Variants in GOT2 observed in about 807,000 individuals in gnomAD.
GOT2 encodes glutamic-oxaloacetic transaminase 2.
A neutral mutation model predicts 50.0 loss-of-function variants in GOT2; 17 were observed. The ratio of observed to expected loss-of-function variants is 0.34; its 90% CI spans 0.23 to 0.51. The LOEUF is 0.51. GOT2 is among the 20% of genes least tolerant of loss of function. The pLI is 0.97. For synonymous variants in GOT2, 172 were observed against 204.9 expected (o/e 0.84, Z 1.37); for missense variants, 430 against 559.6 (o/e 0.77, Z 2.34).
In GOT2 at chr16:58,707,173, C is replaced by A. The variant is rs2044610297; in HGVS notation, c.*998G>T. The A allele has an allele frequency of 6.6e-6, 1 of 152,210 alleles. No individual in the cohort carries two copies. Among genetic ancestry groups the A allele is most frequent in the African/African-American group, 2.4e-5 (1 of 41,434 alleles). 9.4% of individuals were successfully genotyped at this position (152,210 alleles called of 1,614,324 possible). On this transcript the variant is annotated 3_prime_UTR_variant, in exon 10 of 10. Coordinates refer to ENST00000245206, the MANE Select transcript of GOT2 (RefSeq NM_002080.4). Reference sequence around the variant, plus strand: ...TTATTGTAACAGAGAAACCAGGCCGCAATAAGTCTACATGGTTAGAGCAGA... The same window carrying A: ...TTATTGTAACAGAGAAACCAGGCCGAAATAAGTCTACATGGTTAGAGCAGA...
At chr16:58,716,938 G>T in intron 6 of GOT2, 125 bp from the exon 7 acceptor site, 1 of 772,418 alleles carries the variant, frequency 1.3e-6, no homozygotes, top group Non-Finnish European at 2.1e-6. Flanking sequence ...AGCCTTTTCT[G>T]GGGCTAACGT....
chr16:58,734,223 G>A lies in GOT2; in HGVS notation c.6C>T (p.Ala2=), dbSNP rs747362549. 1.5e-5 allele frequency: 20 copies of A among 1,328,370 alleles called. No individual in the cohort carries two copies. Among genetic ancestry groups the A allele is most frequent in the Non-Finnish European group, 1.9e-5 (20 of 1,033,818 alleles). 82.3% of individuals were successfully genotyped at this position (1,328,370 alleles called of 1,614,324 possible). Residue 2 remains alanine, a synonymous_variant, in exon 1 of 10, where the codon GCC becomes GCT. Coordinates refer to ENST00000245206, the MANE Select transcript of GOT2 (RefSeq NM_002080.4). The part of the protein sequence containing the change: M[A]LLHSGRVLPG... The stretch of plus-strand genomic sequence containing the variant: ...GGAGGACGCGGCCGGAGTGCAGCAG[G>A]GCCATGGTGGACCGTAGGAGGGCAG...
chr16:58,710,133 A>G (rs1228925563), intron 8 of GOT2, among the ~76,000 whole-genome samples: 2 of 152,172 alleles, frequency 1.3e-5, no homozygotes, highest in East Asian at 3.8e-4. Flanking sequence ...CCAAGGTTCA[A>G]GCAATCCTCC....
intron 8 of GOT2, among the ~76,000 whole-genome samples, chr16:58,713,619 A>G (rs1005360489): frequency 6.6e-6 from 1 of 152,244 alleles, no homozygotes; most frequent in Non-Finnish European, 1.5e-5. Context: ...GGGGAGGTAC[A>G]TATCAAGTTT....
chr16:58,709,763 C>T (rs1427087375), intron 8 of GOT2, among the ~76,000 whole-genome samples, 196 bp from the exon 9 acceptor site: 1 of 152,190 alleles, frequency 6.6e-6, no homozygotes, highest in African/African-American at 2.4e-5. Context: ...ACACTATTTC[C>T]ATAAGGCAAC....
At chr16:58,726,038 G>GA (rs2044780581) in intron 1 of GOT2, among the ~76,000 whole-genome samples, 1 of 152,136 alleles carries the variant, frequency 6.6e-6, no homozygotes, top group Admixed American at 6.6e-5. Context: ...TATACTTTTT[G>GA]ATTCATTTGA....
intron 1 of GOT2, among the ~76,000 whole-genome samples, chr16:58,724,689 C>T (rs1248250211): frequency 2.6e-5 from 4 of 151,972 alleles, no homozygotes; most frequent in Admixed American, 1.3e-4. Flanking sequence ...TACAGATGAC[C>T]GCCACCATAC....
At chr16:58,734,033 G>T in intron 1 of GOT2, 107 bp downstream of exon 1, 1 of 494,676 alleles carries the variant, frequency 2.0e-6, no homozygotes, top group Non-Finnish European at 3.2e-6. Context: ...GTGCGTGTGA[G>T]TGACAGTGTG....
rs531515579 is a variant in GOT2, at chr16:58,721,355, G to C, written c.375+795C>G. Among the ~76,000 whole-genome samples the C allele has an allele frequency of 3.7e-4, 57 of 152,262 alleles. 2 individuals carry two copies. The South Asian group carries it at 0.011, about 28-fold the overall frequency. On this transcript the variant is annotated intron_variant, in intron 3 of 9. Transcript: ENST00000245206. ...GCACGAGTTCACATGTTGGGAGCGT[G>C]GTCTTCTTTCTGTGTCCATGTGGGC...
At chr16:58,721,883 T>G (rs4784976) in intron 3 of GOT2, 4,808 of 233,662 alleles carry the variant, frequency 0.021, 260 homozygotes, top group Admixed American at 0.13. Flanking sequence ...CAGGTTCAAG[T>G]GATTCTCCTG....
At chr16:58,714,413 G>A (rs992521166) in intron 8 of GOT2, among the ~76,000 whole-genome samples, 1 of 151,780 alleles carries the variant, frequency 6.6e-6, no homozygotes, top group African/African-American at 2.4e-5. Flanking sequence ...TTAGCCGGGC[G>A]TAGTGGCGGG....
At position 58,709,249 on chromosome 16, in the gene GOT2, C is replaced by A. The variant is rs752806173; in HGVS notation, c.1170+168G>T. On this transcript the variant is annotated intron_variant, in intron 9 of 9. Coordinates refer to ENST00000245206, the MANE Select transcript of GOT2 (RefSeq NM_002080.4). Reference sequence around the variant, plus strand: ...CTGCACTCCAGCCTGGGTTTCAGAGCGAGACTGTCTCAAAACAAAAACAAA... The same window carrying A: ...CTGCACTCCAGCCTGGGTTTCAGAGAGAGACTGTCTCAAAACAAAAACAAA... 3 of 631,680 alleles carry A rather than the reference C, an allele frequency of 4.7e-6. No homozygotes were observed. The African/African-American group carries it at 5.6e-5, about 12-fold the overall frequency. The allele number at this position is 631,680 out of a possible 1,614,324, so 39.1% of individuals were successfully genotyped here.
At chr16:58,733,240 T>G (rs2044850025) in intron 1 of GOT2, among the ~76,000 whole-genome samples, 1 of 152,126 alleles carries the variant, frequency 6.6e-6, no homozygotes, top group South Asian at 2.1e-4. Context: ...GCTCTGAAAT[T>G]TCCCTCCATA....
chr16:58,720,135 G>T (rs2044729545), intron 3 of GOT2, among the ~76,000 whole-genome samples: 1 of 152,230 alleles, frequency 6.6e-6, no homozygotes, highest in South Asian at 2.1e-4. Context: ...CCAGGAGGCG[G>T]AGGTTGCGTT....
In GOT2 at chr16:58,707,501, A is replaced by G. The variant is rs2044613305; in HGVS notation, c.*670T>C. ...AATTATGTTCTTCATTCTTAAATAA[A>G]TCTCGATAGGATGGAGTTGATGGTC... On this transcript the variant is annotated 3_prime_UTR_variant, in exon 10 of 10. Transcript: ENST00000245206. The G allele has an allele frequency of 6.6e-6, 1 of 152,198 alleles. No individual in the cohort carries two copies. The highest frequency in any genetic ancestry group is 1.5e-5 in the Non-Finnish European group (1 of 68,044). The allele number at this position is 152,198 out of a possible 1,614,324, so 9.4% of individuals were successfully genotyped here. A position where few individuals can be genotyped will look rare whatever the true frequency, so the allele number is the denominator to read the frequency against.
At chr16:58,717,569 T>C (rs558600529) in intron 6 of GOT2, among the ~76,000 whole-genome samples, 1 of 152,312 alleles carries the variant, frequency 6.6e-6, no homozygotes, top group South Asian at 2.1e-4. Flanking sequence ...AAAAAGTGTT[T>C]AAAAAGATCA....
chr16:58,711,132 C>T (rs2044644860), intron 8 of GOT2, among the ~76,000 whole-genome samples: 1 of 151,872 alleles, frequency 6.6e-6, no homozygotes, highest in Non-Finnish European at 1.5e-5. Flanking sequence ...TATGAATCTA[C>T]AATGAGCCAA....
At position 58,718,682 on chromosome 16, in the gene GOT2, A is replaced by C; in HGVS notation, c.442T>G (p.Phe148Val). 1 of 1,558,542 alleles carries C rather than the reference A, an allele frequency of 6.4e-7. No homozygotes were observed. Among genetic ancestry groups the C allele is most frequent in the Non-Finnish European group, 8.7e-7 (1 of 1,154,308 alleles). Residue 148 changes from phenylalanine to valine, a missense_variant, in exon 5 of 10, where the codon TTT becomes GTT. Transcript: ENST00000245206. ...LRIGASFLQRFFKFSRDVFLP... is the reference protein window; with the variant it reads ...LRIGASFLQRVFKFSRDVFLP... The stretch of plus-strand genomic sequence containing the variant: ...AAGACATCTCGGCTGAACTTAAAAA[A>C]TCTTTGCTAAAAGATGGGACGAAAG...
chr16:58,729,759 CAT>C (rs1413344401), intron 1 of GOT2, among the ~76,000 whole-genome samples: 4 of 151,712 alleles, frequency 2.6e-5, no homozygotes, highest in African/African-American at 9.7e-5. Flanking sequence ...TGGAAAATGA[CAT>C]GTTTTTATCG....
Sources: allele counts gnomAD v4.1 joint callset (sites outside exome capture counted in the v4.1 genomes callset), GRCh38; gene constraint gnomAD v4.1.1; transcripts MANE v1.5; gene names NCBI Gene and HGNC (gene_info 2026-07-23, HGNC 2026-07-21).